CDH19: variants seen among roughly 807,000 people sequenced by gnomAD.
CDH19 encodes the protein cadherin-19.
A neutral mutation model predicts 64.2 loss-of-function variants in CDH19; 67 were observed. The ratio of observed to expected loss-of-function variants is 1.04; its 90% CI spans 0.86 to 1.28. The LOEUF is 1.28. Among genes scored for constraint, CDH19 ranks in the 50% most tolerant of loss-of-function variants. The pLI is 0.00. For missense variants in CDH19, 1,030 were observed against 929.0 expected, an observed-to-expected ratio of 1.11 and a Z score of -1.41; for synonymous variants, 346 against 319.3, an observed-to-expected ratio of 1.08 and a Z score of -0.89.
rs145905274 is a variant in CDH19, at chr18:66,510,012, T to A, written c.1577-766A>T. 5.7e-3 allele frequency among the ~76,000 whole-genome samples: 870 copies of A among 151,966 alleles called. 9 individuals are homozygous for A. Among genetic ancestry groups the A allele is most frequent in the African/African-American group, 0.02 (815 of 41,520 alleles). ...AGCACTTCAACAAATATGCAATGAC[T>A]CTTCTGTGAATCCCAAAATATTATG... On this transcript the variant is annotated intron_variant, in intron 10 of 11. Transcript: ENST00000262150.
chr18:66,588,832 T>G (rs1988659115), intron 1 of CDH19, among the ~76,000 whole-genome samples: 2 of 151,720 alleles, frequency 1.3e-5, no homozygotes, highest in African/African-American at 4.8e-5. Context: ...TGAAGTGGAA[T>G]ATATGCAGAT....
chr18:66,566,934 C>A (rs1987932627), intron 3 of CDH19, among the ~76,000 whole-genome samples: 1 of 151,718 alleles, frequency 6.6e-6, no homozygotes, highest in Non-Finnish European at 1.5e-5. Context: ...CAGCCCTGAG[C>A]ACTCTGCTAT....
chr18:66,526,560 T>A (rs9950028), intron 9 of CDH19, among the ~76,000 whole-genome samples: 10,447 of 152,162 alleles, frequency 0.069, 1,120 homozygotes, highest in African/African-American at 0.23. Context: ...AAAAATTATA[T>A]CTTCAATGAC....
intron 1 of CDH19, among the ~76,000 whole-genome samples, chr18:66,585,441 A>G (rs1000010571): frequency 5.3e-5 from 8 of 152,018 alleles, no homozygotes; most frequent in Non-Finnish European, 1.0e-4. Context: ...TGCTAGTTCC[A>G]TCACCTTGGA....
intron 9 of CDH19, among the ~76,000 whole-genome samples, chr18:66,525,343 T>C (rs1986180160): frequency 6.6e-6 from 1 of 152,164 alleles, no homozygotes; most frequent in South Asian, 2.1e-4. Flanking sequence ...CCTTATTACC[T>C]TTGAAAGCAT....
intron 7 of CDH19, among the ~76,000 whole-genome samples, chr18:66,541,025 T>C (rs1365433481): frequency 1.3e-5 from 2 of 152,150 alleles, no homozygotes. Context: ...AATTTTTCCA[T>C]TATTTCTGTG....
chr18:66,549,456 G>C (rs1987257713), intron 5 of CDH19, among the ~76,000 whole-genome samples: 1 of 151,872 alleles, frequency 6.6e-6, no homozygotes, highest in African/African-American at 2.4e-5. Context: ...TATTTAACTT[G>C]GTGTTCTCCT....
At chr18:66,521,432 TC>T (rs1283717443) in intron 9 of CDH19, among the ~76,000 whole-genome samples, 1 of 152,182 alleles carries the variant, frequency 6.6e-6, no homozygotes, top group African/African-American at 2.4e-5. Context: ...CAGCAAATAT[TC>T]TTGCATATTG....
intron 11 of CDH19, among the ~76,000 whole-genome samples, chr18:66,506,046 G>C (rs1173598046): frequency 1.3e-5 from 2 of 151,970 alleles, no homozygotes; most frequent in East Asian, 1.9e-4. Flanking sequence ...TGGACATCAT[G>C]TTAAGTAAAA....
chr18:66,507,929 T>C (rs933729519), intron 11 of CDH19, among the ~76,000 whole-genome samples: 18 of 151,934 alleles, frequency 1.2e-4, no homozygotes, highest in African/African-American at 4.3e-4. Context: ...GTTGAAGAGA[T>C]AGCCACACTT....
chr18:66,564,312 G>T lies in CDH19; in HGVS notation c.490+4104C>A, dbSNP rs565478180. ...TATATTTGAATTTAAAATCTGAAAT[G>T]CCAAAATAAGCTTCCTTAAATAGTA... On this transcript the variant is annotated intron_variant, in intron 3 of 11. Coordinates refer to ENST00000262150, the MANE Select transcript of CDH19 (RefSeq NM_021153.4). Among the ~76,000 whole-genome samples the T allele has an allele frequency of 7.2e-5, 11 of 151,876 alleles. No individual in the cohort carries two copies. In the East Asian group the frequency reaches 1.9e-3, roughly 27 times the overall value.
chr18:66,602,052 G>A (rs924923008), intron 1 of CDH19, among the ~76,000 whole-genome samples: 60 of 151,920 alleles, frequency 3.9e-4, no homozygotes, highest in African/African-American at 1.3e-3. Context: ...GAAGATCATC[G>A]ATGTTAAAGG....
chr18:66,533,213 T>TACAC (rs35376051), intron 8 of CDH19, among the ~76,000 whole-genome samples: 18,161 of 148,950 alleles, frequency 0.12, 1,164 homozygotes, highest in Admixed American at 0.16. Flanking sequence ...TAGGATTTAT[T>TACAC]ACACACACAC....
chr18:66,552,030 G>A (rs1987362145), intron 4 of CDH19, among the ~76,000 whole-genome samples: 1 of 151,784 alleles, frequency 6.6e-6, no homozygotes, highest in Non-Finnish European at 1.5e-5. Flanking sequence ...CATAAAGATG[G>A]AAACAATAGA....
Position 66,572,116 on chromosome 18 carries a change from T to G in CDH19, c.89A>C (p.Lys30Thr), listed in dbSNP as rs1988124640. The part of the protein sequence containing the change: ...LGATENSQTK[K>T]VKQPVRSHLR... ...ATGAGATCGCACTGGCTGCTTGACTTTCTTTGTTTGAGAGTTTTCTGTTGC... is the reference window on the plus strand; with the variant it reads ...ATGAGATCGCACTGGCTGCTTGACTGTCTTTGTTTGAGAGTTTTCTGTTGC... Residue 30 changes from lysine to threonine, a missense_variant, in exon 2 of 12, where the codon AAA becomes ACA. Physicochemically the swap from Lys to Thr is moderately conservative, Grantham distance 78. Coordinates refer to ENST00000262150, the MANE Select transcript of CDH19 (RefSeq NM_021153.4). 3 of 1,611,650 alleles carry G rather than the reference T, an allele frequency of 1.9e-6. No individual in the cohort carries two copies. The highest frequency in any genetic ancestry group is 1.7e-5 in the Admixed American group (1 of 59,728).
At chr18:66,545,077 C>G (rs1987056831) in intron 5 of CDH19, among the ~76,000 whole-genome samples, 174 bp from the exon 6 acceptor site, 1 of 152,030 alleles carries the variant, frequency 6.6e-6, no homozygotes, top group Admixed American at 6.6e-5. Flanking sequence ...CTCCTGGGTT[C>G]ATGCCATTCT....
chr18:66,596,510 G>A (rs1345993818), intron 1 of CDH19, among the ~76,000 whole-genome samples: 2 of 151,938 alleles, frequency 1.3e-5, no homozygotes, highest in East Asian at 1.9e-4. Context: ...TACTGAGAAC[G>A]TCCATGCTGA....
chr18:66,579,788 G>C (rs1988371689), intron 1 of CDH19, among the ~76,000 whole-genome samples: 1 of 151,990 alleles, frequency 6.6e-6, no homozygotes, highest in Non-Finnish European at 1.5e-5. Context: ...TACTAATGTA[G>C]AGATGAGCAA....
intron 9 of CDH19, among the ~76,000 whole-genome samples, chr18:66,517,192 G>C (rs1985774838): frequency 6.6e-6 from 1 of 151,744 alleles, no homozygotes; most frequent in African/African-American, 2.4e-5. Context: ...AATGAGTTCA[G>C]GAAACTTTTG....
Sources: allele counts gnomAD v4.1 joint callset (sites outside exome capture counted in the v4.1 genomes callset), GRCh38; gene constraint gnomAD v4.1.1; transcripts MANE v1.5; gene names NCBI Gene and HGNC (gene_info 2026-07-23, HGNC 2026-07-21).